The following LINGO3 variants were observed in gnomAD, a reference collection of about 807,000 sequenced individuals.
LINGO3 encodes leucine rich repeat and Ig domain containing 3, also known as leucine-rich repeat and immunoglobulin-like domain-containing nogo receptor-interacting protein 3.
For missense variants in LINGO3, 750 were observed against 867.7 expected (o/e 0.86, Z 1.70); for synonymous variants, 427 against 444.2 (o/e 0.96, Z 0.49).
chr19:2,291,045 C>T (rs1386067577), exon 1 of LINGO3: 17 of 1,610,282 alleles, frequency 1.1e-5, no homozygotes, highest in Non-Finnish European at 1.4e-5. Context: ...GGTTCAGGCC[C>T]CGCAGGCTGC....
At chr19:2,295,877 C>T (rs999687786), upstream of LINGO3, among the ~76,000 whole-genome samples, 5 of 150,722 alleles carry the variant, frequency 3.3e-5, no homozygotes, top group African/African-American at 4.9e-5. Flanking sequence ...AGGAAGGTGT[C>T]GCAGGTGAGA....
chr19:2,304,122 C>G, the LINGO3 span, among the ~76,000 whole-genome samples: 1 of 152,222 alleles, frequency 6.6e-6, no homozygotes, highest in African/African-American at 2.4e-5. Flanking sequence ...TCACCTCATT[C>G]ATTCATTCAA....
At chr19:2,301,028 A>G in the LINGO3 span, among the ~76,000 whole-genome samples, 16 of 151,684 alleles carry the variant, frequency 1.1e-4, no homozygotes, top group East Asian at 3.2e-3. Context: ...GAGCAGAATC[A>G]CCCTGGTTCA....
At chr19:2,304,073 C>G in the LINGO3 span, among the ~76,000 whole-genome samples, 2 of 152,204 alleles carry the variant, frequency 1.3e-5, no homozygotes. Flanking sequence ...GGGTCAGGAG[C>G]CCAGAGTCCT....
chr19:2,300,151 C>T, the LINGO3 span, among the ~76,000 whole-genome samples: 1 of 151,524 alleles, frequency 6.6e-6, no homozygotes, highest in African/African-American at 2.4e-5. Context: ...CCTGCCTCAG[C>T]CTCCTGAGTA....
the LINGO3 span, among the ~76,000 whole-genome samples, chr19:2,299,864 C>T: frequency 6.7e-6 from 1 of 148,886 alleles, no homozygotes; most frequent in East Asian, 2.0e-4. Context: ...GCTGGGACTA[C>T]AGGCGCCCGC....
chr19:2,292,591 G>A (rs1404779396), upstream of LINGO3, among the ~76,000 whole-genome samples: 2 of 151,434 alleles, frequency 1.3e-5, no homozygotes, highest in Non-Finnish European at 2.9e-5. Flanking sequence ...CCGGGTTCAA[G>A]CAATTCTCCT....
exon 1 of LINGO3, chr19:2,289,924 G>C (rs948364706): frequency 1.6e-5 from 21 of 1,288,604 alleles, no homozygotes; most frequent in Admixed American, 2.8e-5. Flanking sequence ...CTTCCCCTCC[G>C]GGAAATGCAT....
chr19:2,290,289 G>A lies in LINGO3; in HGVS notation c.1488C>T (p.Thr496=), dbSNP rs763176398. The change falls in exon 1 of 1, where the codon ACC becomes ACT. Residue 496 remains threonine (T), a synonymous_variant. Transcript: ENST00000585527. The surrounding 1 kb of genome is among the most constrained non-coding windows in gnomAD (Gnocchi z 6.0). ...GGTTGGCGGCCGGCTCGGGGCGCACGGTCAGCGTGGCGAAGTAGGTGTCGT... is the reference window on the plus strand; with the variant it reads ...GGTTGGCGGCCGGCTCGGGGCGCACAGTCAGCGTGGCGAAGTAGGTGTCGT... 11 of 1,583,050 alleles carry A rather than the reference G, an allele frequency of 6.9e-6. No individual in the cohort carries two copies. The highest frequency in any genetic ancestry group is 9.4e-6 in the Non-Finnish European group (11 of 1,169,974).
upstream of LINGO3, among the ~76,000 whole-genome samples, chr19:2,292,927 G>C (rs1033871136): frequency 2.0e-5 from 3 of 152,186 alleles, no homozygotes; most frequent in Non-Finnish European, 4.4e-5. Flanking sequence ...TCAGCACCGT[G>C]CAGCCACCCA....
the LINGO3 span, among the ~76,000 whole-genome samples, chr19:2,297,551 C>T: frequency 6.6e-6 from 1 of 151,364 alleles, no homozygotes; most frequent in Non-Finnish European, 1.5e-5. Context: ...GATCCACCTG[C>T]CTCAGCTTCC....
upstream of LINGO3, among the ~76,000 whole-genome samples, chr19:2,296,029 C>A (rs545703931): frequency 6.6e-6 from 1 of 152,152 alleles, no homozygotes; most frequent in African/African-American, 2.4e-5. Context: ...CCCCCAACCC[C>A]GGAATCATCC....
the LINGO3 span, among the ~76,000 whole-genome samples, chr19:2,300,048 T>TTTTA: frequency 8.4e-6 from 1 of 119,524 alleles, no homozygotes; most frequent in Non-Finnish European, 1.9e-5. Context: ...TTTTTTTTAT[T>TTTTA]GAGTCGGAGT....
rs772978148 is a variant in LINGO3 at position 2,290,600 on chromosome 19, G to A, written c.1177C>T (p.Leu393=). Residue 393 remains leucine, a synonymous_variant, in exon 1 of 1, where the codon CTG becomes TTG. Transcript: ENST00000585527. The surrounding 1 kb of genome is among the most constrained non-coding windows in gnomAD (Gnocchi z 6.0). ...TACTCGAACAGCACGGAGTCCGGCA[G>A]GTTTCGCAGCGCGTCGCCGCGCACC... 2.0e-5 allele frequency: 31 copies of A among 1,586,208 alleles called. No individual in the cohort carries two copies. The African/African-American group carries it at 2.6e-4, about 13-fold the overall frequency.
chr19:2,288,708 T>C (rs940142826), downstream of LINGO3, among the ~76,000 whole-genome samples: 1 of 152,124 alleles, frequency 6.6e-6, no homozygotes, highest in Non-Finnish European at 1.5e-5. This position sits in a 1 kb window ranked among gnomAD's most constrained non-coding sequence, Gnocchi z 6.5. Flanking sequence ...GACCCCTGAC[T>C]GTGACCACCG....
exon 1 of LINGO3, chr19:2,291,719 G>T (rs1599164393): frequency 1.5e-6 from 2 of 1,343,162 alleles, no homozygotes; most frequent in East Asian, 6.7e-5. Context: ...CCAGCCGGGG[G>T]CGGCGCCGCG....
rs1336424829 is a variant in LINGO3 at position 2,290,111 on chromosome 19, G to A, written c.1666C>T (p.Arg556Cys). The A allele has an allele frequency of 1.2e-6, 2 of 1,609,428 alleles. No homozygotes were observed. Among genetic ancestry groups the A allele is most frequent in the East Asian group, 2.2e-5 (1 of 44,686 alleles). ...GAGAAGTTGTTTTTGTGCTGCCCGC[G>A]GCCGCGGCTCCACACGAACAGCAGC... The change falls in exon 1 of 1, where the codon CGC becomes TGC. Residue 556 changes from arginine to cysteine, a missense_variant. Transcript: ENST00000585527. This position sits in a 1 kb window ranked among gnomAD's most constrained non-coding sequence, Gnocchi z 6.0.
chr19:2,299,785 G>A, the LINGO3 span, among the ~76,000 whole-genome samples: 1 of 144,310 alleles, frequency 6.9e-6, no homozygotes, highest in Admixed American at 7.1e-5. Flanking sequence ...GTGCAGTGGT[G>A]CGATCTCGGC....
At chr19:2,291,009 G>T in exon 1 of LINGO3, 1 of 1,611,452 alleles carries the variant, frequency 6.2e-7, no homozygotes, top group Non-Finnish European at 8.5e-7. Flanking sequence ...CGGTGATGTT[G>T]GTGTGGGTGA....
Sources: allele counts gnomAD v4.1 joint callset (sites outside exome capture counted in the v4.1 genomes callset), GRCh38; gene constraint gnomAD v4.1.1; non-coding constraint Gnocchi (gnomAD v3.1); transcripts MANE v1.5; gene names NCBI Gene and HGNC (gene_info 2026-07-23, HGNC 2026-07-21).